GNA11: variants seen among roughly 807,000 people sequenced by gnomAD.
GNA11 encodes the protein guanine nucleotide-binding protein subunit alpha-11.
A neutral mutation model predicts 38.2 loss-of-function variants in GNA11; 8 were observed. The ratio of observed to expected loss-of-function variants is 0.21; its 90% confidence interval spans 0.12 to 0.38. The LOEUF is 0.38. GNA11 is among the 10% of genes least tolerant of loss of function. GNA11 has a pLI of 1.00. For synonymous variants in GNA11, 211 were observed against 221.4 expected (o/e 0.95, Z 0.42); for missense variants, 268 against 516.3 (o/e 0.52, Z 4.66).
chr19:3,106,797 G>A (rs1326155889), intron 1 of GNA11, among the ~76,000 whole-genome samples: 2 of 152,254 alleles, frequency 1.3e-5, no homozygotes, highest in African/African-American at 2.4e-5. Context: ...ATATATGCAC[G>A]TTAATGCATA....
chr19:3,096,285 GGCC>G (rs1913363486), intron 1 of GNA11, among the ~76,000 whole-genome samples: 1 of 152,104 alleles, frequency 6.6e-6, no homozygotes, highest in Non-Finnish European at 1.5e-5. Flanking sequence ...CTTTCCAGGG[GGCC>G]GCGGGTAGGC....
At chr19:3,106,461 G>A (rs187018601) in intron 1 of GNA11, among the ~76,000 whole-genome samples, 391 of 152,322 alleles carry the variant, frequency 2.6e-3, no homozygotes, top group Non-Finnish European at 4.5e-3. Flanking sequence ...GCCTCTGTAC[G>A]GCAGGGCTTA....
chr19:3,103,986 T>C (rs1383880585), intron 1 of GNA11, among the ~76,000 whole-genome samples: 1 of 152,184 alleles, frequency 6.6e-6, no homozygotes, highest in South Asian at 2.1e-4. Flanking sequence ...TGCCTGGCCA[T>C]TTTTGTAAAT....
In GNA11 at chr19:3,120,763, A is replaced by G. The variant is rs1429840408; in HGVS notation, c.890-226A>G. Among the ~76,000 whole-genome samples the G allele has an allele frequency of 1.3e-5, 2 of 152,014 alleles. No homozygotes were observed. The highest frequency in any genetic ancestry group is 2.9e-5 in the Non-Finnish European group (2 of 67,974). On this transcript the variant is annotated intron_variant, in intron 6 of 6. Transcript: ENST00000078429. This position sits in a 1 kb window ranked among gnomAD's most constrained non-coding sequence, Gnocchi z 5.9. ...CGGTGGGTGCAGAGCCCCAGGTTGG[A>G]GGCCTGGGCCGTGACAGTAGTGCCC...
rs1357427146 is a variant in GNA11, at chr19:3,123,305, G to A, written c.*2126G>A. On this transcript the variant is annotated 3_prime_UTR_variant, in exon 7 of 7. Transcript: ENST00000078429. ...AGCATCCCAGAGCCGGGCTGGGACC[G>A]CCAAAACGTCGTGGCCTGGATCCTC... is the stretch of plus-strand genomic sequence containing the variant. 1.3e-5 allele frequency: 3 copies of A among 233,304 alleles called. No individual in the cohort carries two copies. Among genetic ancestry groups the A allele is most frequent in the Admixed American group, 5.6e-5 (1 of 17,772 alleles). 14.5% of individuals were successfully genotyped at this position (233,304 alleles called of 1,614,324 possible). A position where few individuals can be genotyped will look rare whatever the true frequency, so the allele number is the denominator to read the frequency against.
intron 2 of GNA11, among the ~76,000 whole-genome samples, chr19:3,112,259 C>T (rs745929841): frequency 6.6e-6 from 1 of 152,172 alleles, no homozygotes; most frequent in Non-Finnish European, 1.5e-5. Flanking sequence ...GTGCTTATCC[C>T]AGCCCAGATT....
chr19:3,104,112 G>GC (rs562883095), intron 1 of GNA11, among the ~76,000 whole-genome samples: 314 of 152,374 alleles, frequency 2.1e-3, no homozygotes, highest in African/African-American at 7.1e-3. Context: ...GAGCCACCGC[G>GC]CCCGGCTTTG....
intron 1 of GNA11, among the ~76,000 whole-genome samples, chr19:3,104,229 G>A (rs1362587525): frequency 6.6e-6 from 1 of 152,256 alleles, no homozygotes; most frequent in Non-Finnish European, 1.5e-5. Flanking sequence ...CGGGGAAAAG[G>A]AAGCTGGGGC....
rs1247125627 is a variant in GNA11 at position 3,116,736 on chromosome 19, G to A, written c.605+1664G>A. Among the ~76,000 whole-genome samples the A allele has an allele frequency of 2.0e-5, 3 of 152,244 alleles. No homozygotes were observed. In the East Asian group the frequency reaches 5.8e-4, roughly 29 times the overall value. ...GGCCTCGCGGTGGCTCCGGTTGCGGGTGCCTTCTCCTGCAGTGCAAGCTCG... is the reference window on the plus strand; with the variant it reads ...GGCCTCGCGGTGGCTCCGGTTGCGGATGCCTTCTCCTGCAGTGCAAGCTCG... On this transcript the variant is annotated intron_variant, in intron 4 of 6. Coordinates refer to ENST00000078429, the MANE Select transcript of GNA11 (RefSeq NM_002067.5).
At chr19:3,095,797 C>A (rs543988893) in intron 1 of GNA11, among the ~76,000 whole-genome samples, 2 of 152,164 alleles carry the variant, frequency 1.3e-5, no homozygotes, top group African/African-American at 4.8e-5. Context: ...CACGCTGAGT[C>A]CTCGTTGAGA....
chr19:3,111,771 GGCAGGCCCA>G (rs1460726595), intron 2 of GNA11, among the ~76,000 whole-genome samples: 3 of 152,190 alleles, frequency 2.0e-5, no homozygotes, highest in Non-Finnish European at 4.4e-5. Flanking sequence ...CGCCCTATGG[GGCAGGCCCA>G]GCAGCCGTGC....
At chr19:3,115,747 AGG>A in intron 4 of GNA11, among the ~76,000 whole-genome samples, 1 of 29,310 alleles carries the variant, frequency 3.4e-5, no homozygotes, top group South Asian at 1.3e-3. Flanking sequence ...CGAGGCTGTG[AGG>A]GGAGGAGGGG....
intron 2 of GNA11, among the ~76,000 whole-genome samples, chr19:3,111,387 T>C (rs759911452): frequency 2.6e-5 from 4 of 152,038 alleles, no homozygotes; most frequent in Non-Finnish European, 4.4e-5. Context: ...CGGTCTGTCC[T>C]GAACATTTCA....
chr19:3,107,559 A>T (rs1458727944), intron 1 of GNA11, among the ~76,000 whole-genome samples: 1 of 152,056 alleles, frequency 6.6e-6, no homozygotes, highest in Non-Finnish European at 1.5e-5. Flanking sequence ...AGTGTGTGTG[A>T]GTGTTTGCTG....
chr19:3,115,880 A>G (rs1599305624), intron 4 of GNA11, among the ~76,000 whole-genome samples: 1 of 35,140 alleles, frequency 2.8e-5, no homozygotes, highest in Non-Finnish European at 5.8e-5. Context: ...CTGTGAGGGG[A>G]GGAGGGGTCA....
intron 3 of GNA11, among the ~76,000 whole-genome samples, chr19:3,113,710 T>C (rs1029697156): frequency 1.9e-4 from 29 of 152,288 alleles, no homozygotes; most frequent in African/African-American, 5.8e-4. Context: ...ACTGGCCTGC[T>C]TGTATGCCTG....
intron 1 of GNA11, among the ~76,000 whole-genome samples, chr19:3,098,476 T>C (rs1193051276): frequency 1.3e-5 from 2 of 152,218 alleles, no homozygotes; most frequent in Non-Finnish European, 2.9e-5. Context: ...GTATAGTTCT[T>C]TGTGGCAGGT....
chr19:3,110,098 ACG>A lies in GNA11; in HGVS notation c.137-50_137-49del. ...GGTCTGGGTAAGAGGGGGCAGCAGC[ACG>A]AGAGTCAGGCCCCGGCTGCCGCCCG... On this transcript the variant is annotated intron_variant, in intron 1 of 6. Coordinates refer to ENST00000078429, the MANE Select transcript of GNA11 (RefSeq NM_002067.5). The surrounding 1 kb of genome is among the most constrained non-coding windows in gnomAD (Gnocchi z 5.4). The A allele has an allele frequency of 6.9e-7, 1 of 1,447,856 alleles. No homozygotes were observed. Among genetic ancestry groups the A allele is most frequent in the Non-Finnish European group, 9.4e-7 (1 of 1,058,494 alleles). The allele number at this position is 1,447,856 out of a possible 1,614,324, so 89.7% of individuals were successfully genotyped here.
At chr19:3,114,794 C>T (rs537791313) in intron 3 of GNA11, 150 bp from the exon 4 acceptor site, 48 of 696,016 alleles carry the variant, frequency 6.9e-5, no homozygotes, top group African/African-American at 6.9e-4. Context: ...CCGAGCCCTC[C>T]GGGCTGCTTC....
Sources: gnomAD v4.1 joint callset for allele counts (sites outside exome capture counted in the v4.1 genomes callset) on GRCh38, gnomAD v4.1.1 for gene constraint, Gnocchi (gnomAD v3.1) non-coding constraint, MANE v1.5 for transcripts, NCBI Gene and HGNC (gene_info 2026-07-23, HGNC 2026-07-21) for gene names.